TRAP1: variants seen among roughly 807,000 people sequenced by gnomAD.
TRAP1 encodes the protein TNF receptor associated protein 1.
In TRAP1, 102 loss-of-function variants were observed where a neutral mutation model predicts 89.1. The ratio of observed to expected loss-of-function variants is 1.15; its 90% CI spans 0.98 to 1.35. TRAP1 has a LOEUF of 1.35. TRAP1 is among the 40% of genes most tolerant of loss of function. The probability of loss-of-function intolerance (pLI) is 0.00; values close to 1 mark genes in which losing one functional copy is unlikely to be tolerated. For synonymous variants in TRAP1, 508 were observed against 388.0 expected (o/e 1.31, Z -3.64); for missense variants, 1,256 against 945.3 (o/e 1.33, Z -4.31).
chr16:3,684,527 C>T (rs2051113613), intron 4 of TRAP1, among the ~76,000 whole-genome samples: 1 of 152,150 alleles, frequency 6.6e-6, no homozygotes, highest in African/African-American at 2.4e-5. Flanking sequence ...TATGGTGGCT[C>T]ATGCCTGTAA....
At chr16:3,715,112 G>C (rs935272912) in intron 1 of TRAP1, among the ~76,000 whole-genome samples, 15 of 152,188 alleles carry the variant, frequency 9.9e-5, no homozygotes, top group Admixed American at 9.2e-4. Context: ...ACCAGAAGAT[G>C]GAGGACGAGA....
chr16:3,679,819 GC>G, intron 4 of TRAP1, 29 bp from the exon 5 acceptor site: 1 of 1,612,350 alleles, frequency 6.2e-7, no homozygotes, highest in Non-Finnish European at 8.5e-7. Context: ...TAAGTGCCAA[GC>G]CCCCAGCACC....
intron 16 of TRAP1, chr16:3,659,421 C>T (rs1392926877): frequency 6.6e-6 from 1 of 152,146 alleles, no homozygotes; most frequent in Non-Finnish European, 1.5e-5. Flanking sequence ...ATGACAAGCA[C>T]AATTCTAGGG....
chr16:3,711,358 T>C (rs1264784127), intron 1 of TRAP1, among the ~76,000 whole-genome samples: 1 of 152,056 alleles, frequency 6.6e-6, no homozygotes, highest in Non-Finnish European at 1.5e-5. Context: ...CCCAGCACTT[T>C]GGGAGGCCGA....
intron 7 of TRAP1, among the ~76,000 whole-genome samples, chr16:3,675,705 G>T (rs1380079141): frequency 6.6e-6 from 1 of 152,232 alleles, no homozygotes; most frequent in East Asian, 1.9e-4. Context: ...CTCCCTGAGT[G>T]TCCAGCAGGA....
In TRAP1 at chr16:3,677,600, A is replaced by C. The variant is rs1344875612; in HGVS notation, c.602T>G (p.Phe201Cys). The C allele has an allele frequency of 3.1e-6, 5 of 1,614,174 alleles. No homozygotes were observed. The highest frequency in any genetic ancestry group is 4.2e-6 in the Non-Finnish European group (5 of 1,180,020). ...AEASSKIIGQ[F>C]GVGFYSAFMV... ...GAAAGCTGAGTAGAAACCCACTCCA[A>C]ACTGGCCGATGATCTTGCTGCTGGC... is the stretch of plus-strand genomic sequence containing the variant. Residue 201 changes from phenylalanine to cysteine, a missense_variant, in exon 6 of 18, where the codon TTT (phenylalanine) becomes TGT (cysteine). Coordinates refer to ENST00000246957, the MANE Select transcript of TRAP1 (RefSeq NM_016292.3).
intron 7 of TRAP1, 139 bp from the exon 8 acceptor site, chr16:3,675,536 G>A (rs1289999156): frequency 9.4e-6 from 7 of 746,386 alleles, no homozygotes; most frequent in East Asian, 5.4e-5. Flanking sequence ...CAGAAACAGG[G>A]CACAGTGGGG....
intron 1 of TRAP1, among the ~76,000 whole-genome samples, chr16:3,691,790 T>C (rs1411537216): frequency 6.6e-6 from 1 of 152,126 alleles, no homozygotes; most frequent in Non-Finnish European, 1.5e-5. Flanking sequence ...TTAAAAAAAA[T>C]TTGTGTACTT....
intron 3 of TRAP1, chr16:3,687,034 C>G (rs1447142062): frequency 6.6e-6 from 1 of 152,184 alleles, no homozygotes; most frequent in African/African-American, 2.4e-5. Context: ...GGGATGACGG[C>G]ATATCACTCA....
At chr16:3,682,461 C>T (rs1254639794) in intron 4 of TRAP1, among the ~76,000 whole-genome samples, 2 of 152,064 alleles carry the variant, frequency 1.3e-5, no homozygotes, top group Non-Finnish European at 2.9e-5. Flanking sequence ...GTGATCTCCG[C>T]TCACTGCACC....
chr16:3,682,421 A>G (rs2051084499), intron 4 of TRAP1, among the ~76,000 whole-genome samples: 1 of 150,336 alleles, frequency 6.7e-6, no homozygotes, highest in Non-Finnish European at 1.5e-5. Context: ...TCGCTCTGTC[A>G]CGCAGGCTAG....
chr16:3,685,497 C>T (rs1426763676), intron 4 of TRAP1, among the ~76,000 whole-genome samples: 3 of 152,032 alleles, frequency 2.0e-5, no homozygotes, highest in African/African-American at 4.8e-5. Context: ...GCAATGACGC[C>T]GTGACCCTGG....
At chr16:3,693,804 G>C (rs1238534646) in intron 1 of TRAP1, among the ~76,000 whole-genome samples, 1 of 152,004 alleles carries the variant, frequency 6.6e-6, no homozygotes, top group Non-Finnish European at 1.5e-5. Context: ...ACCAGCCTGG[G>C]CAAGAAAGTG....
At chr16:3,715,949 G>A (rs1285977490) in intron 1 of TRAP1, among the ~76,000 whole-genome samples, 1 of 152,168 alleles carries the variant, frequency 6.6e-6, no homozygotes, top group Non-Finnish European at 1.5e-5. Context: ...TGCAATCTCT[G>A]CCTCCTGGGT....
At position 3,715,797 on chromosome 16, in the gene TRAP1, A is replaced by T. The variant is rs187083770; in HGVS notation, c.88+1624T>A. Among the ~76,000 whole-genome samples the T allele has an allele frequency of 1.3e-3, 197 of 152,264 alleles. 1 individual carries two copies. The highest frequency in any genetic ancestry group is 1.9e-3 in the Non-Finnish European group (126 of 68,012). The stretch of plus-strand genomic sequence containing the variant: ...CCCCACCTCATAAAGACAAAAAAAT[A>T]AATAAATAATTGATCAGACACTGGT... On this transcript the variant is annotated intron_variant, in intron 1 of 17. Transcript: ENST00000246957.
chr16:3,703,109 G>A lies in TRAP1; in HGVS notation c.89-12124C>T, dbSNP rs376534823. On this transcript the variant is annotated intron_variant, in intron 1 of 17. Coordinates refer to ENST00000246957, the MANE Select transcript of TRAP1 (RefSeq NM_016292.3). ...AGAATACAAAAATCAACACCCGGAC[G>A]TCCTATATACAGAAAACTAGTTAGA... Among the ~76,000 whole-genome samples the A allele has an allele frequency of 5.5e-5, 8 of 144,600 alleles. No individual in the cohort carries two copies. The East Asian group carries it at 1.6e-3, about 29-fold the overall frequency. The allele number at this position is 144,600 out of a possible 152,430, so 94.9% of individuals were successfully genotyped here.
chr16:3,685,057 C>T (rs2051120768), intron 4 of TRAP1, among the ~76,000 whole-genome samples: 2 of 152,188 alleles, frequency 1.3e-5, no homozygotes, highest in South Asian at 4.1e-4. Context: ...TCCCCATGAC[C>T]CCTTGCCCCA....
chr16:3,697,450 G>A (rs1227506233), intron 1 of TRAP1, among the ~76,000 whole-genome samples: 3 of 151,932 alleles, frequency 2.0e-5, no homozygotes, highest in African/African-American at 4.8e-5. Context: ...GGATCACGAG[G>A]TCAGGAGATT....
At chr16:3,675,895 A>G (rs1231926623) in intron 7 of TRAP1, 141 bp downstream of exon 7, 2 of 710,034 alleles carry the variant, frequency 2.8e-6, no homozygotes, top group East Asian at 2.8e-5. Context: ...CCCCCCTCCC[A>G]GTCCCGCAGC....
Sources: gnomAD v4.1 joint callset for allele counts (sites outside exome capture counted in the v4.1 genomes callset) on GRCh38, gnomAD v4.1.1 for gene constraint, MANE v1.5 for transcripts, NCBI Gene and HGNC (gene_info 2026-07-23, HGNC 2026-07-21) for gene names.